The following LRRIQ3 variants were observed in gnomAD, a reference collection of about 807,000 sequenced individuals.
LRRIQ3 encodes leucine-rich repeat and IQ domain-containing protein 3.
A neutral mutation model predicts 59.3 loss-of-function variants in LRRIQ3; 75 were observed. That is an observed-to-expected ratio of 1.26 (90% confidence interval 1.05 to 1.53). LRRIQ3 has a LOEUF of 1.53. Ranked by LOEUF, LRRIQ3 falls within the 40% of genes most tolerant of loss-of-function variation. The probability of loss-of-function intolerance (pLI) is 0.00; values close to 1 mark genes in which losing one functional copy is unlikely to be tolerated. For synonymous variants in LRRIQ3, 250 were observed against 231.3 expected, an observed-to-expected ratio of 1.08 and a Z score of -0.73; for missense variants, 831 against 710.0, an observed-to-expected ratio of 1.17 and a Z score of -1.94.
chr1:74,061,827 G>C (rs1337702528), intron 6 of LRRIQ3, among the ~76,000 whole-genome samples: 1 of 152,092 alleles, frequency 6.6e-6, no homozygotes, highest in Non-Finnish European at 1.5e-5. Flanking sequence ...TTGAGCTCAG[G>C]AACTGGAGAC....
intron 6 of LRRIQ3, among the ~76,000 whole-genome samples, chr1:74,057,325 C>T (rs1026614571): frequency 2.0e-5 from 3 of 151,758 alleles, no homozygotes; most frequent in Admixed American, 1.3e-4. Flanking sequence ...GTAGTGGAAG[C>T]ATAGTACCTG....
intron 5 of LRRIQ3, among the ~76,000 whole-genome samples, chr1:74,087,934 T>C (rs1245516109): frequency 6.6e-6 from 1 of 151,656 alleles, no homozygotes; most frequent in East Asian, 1.9e-4. Context: ...CTGTCTCTAC[T>C]AAAAATACAA....
At chr1:74,172,318 A>T (rs562345757) in intron 3 of LRRIQ3, among the ~76,000 whole-genome samples, 1 of 152,064 alleles carries the variant, frequency 6.6e-6, no homozygotes, top group African/African-American at 2.4e-5. Context: ...TTTCACTTGT[A>T]TCAGTGTTTT....
intron 4 of LRRIQ3, among the ~76,000 whole-genome samples, chr1:74,142,567 T>A (rs1647305686): frequency 6.6e-6 from 1 of 152,024 alleles, no homozygotes; most frequent in Non-Finnish European, 1.5e-5. Flanking sequence ...GATATAAGGC[T>A]GACTGTTAAA....
At chr1:74,059,532 A>G (rs1450515823) in intron 6 of LRRIQ3, among the ~76,000 whole-genome samples, 1 of 152,054 alleles carries the variant, frequency 6.6e-6, no homozygotes, top group Non-Finnish European at 1.5e-5. Context: ...CACACTTGTC[A>G]AAAAGTTGTA....
chr1:74,184,882 A>G (rs1650255579), intron 1 of LRRIQ3, among the ~76,000 whole-genome samples: 1 of 152,188 alleles, frequency 6.6e-6, no homozygotes. Context: ...ATGTAGGATA[A>G]TATACACATC....
At chr1:74,113,949 CTCTCTT>C (rs1215388918) in intron 4 of LRRIQ3, among the ~76,000 whole-genome samples, 6 of 151,622 alleles carry the variant, frequency 4.0e-5, no homozygotes, top group Admixed American at 1.3e-4. Context: ...TAAATCCCCT[CTCTCTT>C]TCTCTATCTC....
intron 4 of LRRIQ3, among the ~76,000 whole-genome samples, chr1:74,145,708 A>AT (rs1159616696): frequency 2.6e-5 from 4 of 151,924 alleles, no homozygotes; most frequent in Non-Finnish European, 2.9e-5. Context: ...TGAATTACTA[A>AT]TTTTTTTCTT....
At chr1:74,120,041 G>T (rs541907692) in intron 4 of LRRIQ3, among the ~76,000 whole-genome samples, 1 of 151,580 alleles carries the variant, frequency 6.6e-6, no homozygotes, top group East Asian at 1.9e-4. Context: ...CAGAAATATG[G>T]TATTTATTTA....
intron 3 of LRRIQ3, among the ~76,000 whole-genome samples, chr1:74,157,768 A>G (rs1014356568): frequency 6.6e-6 from 1 of 152,046 alleles, no homozygotes. Context: ...ACATTGAAAG[A>G]ATTTTCTCCA....
At chr1:74,095,851 T>C (rs1292882792) in intron 5 of LRRIQ3, among the ~76,000 whole-genome samples, 1 of 152,062 alleles carries the variant, frequency 6.6e-6, no homozygotes, top group Non-Finnish European at 1.5e-5. Context: ...AAAAATTATA[T>C]CTGATGGAGA....
At chr1:74,051,748 C>A (rs1283150844) in intron 6 of LRRIQ3, among the ~76,000 whole-genome samples, 2 of 152,156 alleles carry the variant, frequency 1.3e-5, no homozygotes, top group Non-Finnish European at 2.9e-5. Flanking sequence ...TGCAATCACA[C>A]AATATGTGAT....
At chr1:74,052,947 T>C (rs1451748098) in intron 6 of LRRIQ3, among the ~76,000 whole-genome samples, 1 of 152,134 alleles carries the variant, frequency 6.6e-6, no homozygotes, top group East Asian at 1.9e-4. Flanking sequence ...TGAGATACAA[T>C]TCATATGCCA....
At chr1:74,062,541 G>T (rs2100447480) in intron 6 of LRRIQ3, among the ~76,000 whole-genome samples, 1 of 152,044 alleles carries the variant, frequency 6.6e-6, no homozygotes, top group South Asian at 2.1e-4. Flanking sequence ...CAAAGGAATA[G>T]AAATCACAGC....
At chr1:74,030,964 C>T (rs1432641467) in intron 7 of LRRIQ3, among the ~76,000 whole-genome samples, 1 of 152,148 alleles carries the variant, frequency 6.6e-6, no homozygotes, top group Non-Finnish European at 1.5e-5. Flanking sequence ...TATAAACAGA[C>T]ACTTCTCAAA....
At chr1:74,194,885 T>C (rs1390494329) in intron 1 of LRRIQ3, among the ~76,000 whole-genome samples, 1 of 152,192 alleles carries the variant, frequency 6.6e-6, no homozygotes, top group Non-Finnish European at 1.5e-5. Context: ...TTCTTGACTC[T>C]ACTAATTTAT....
At chr1:74,100,284 T>C (rs1646511232) in intron 5 of LRRIQ3, among the ~76,000 whole-genome samples, 1 of 151,976 alleles carries the variant, frequency 6.6e-6, no homozygotes, top group African/African-American at 2.4e-5. Context: ...GAAAGCCAAA[T>C]CATGAGTGAA....
chr1:74,049,624 GA>G (rs1487689902), intron 6 of LRRIQ3, among the ~76,000 whole-genome samples: 2 of 152,158 alleles, frequency 1.3e-5, no homozygotes, highest in African/African-American at 4.8e-5. Flanking sequence ...GCTGACATGG[GA>G]AAAACTGCAG....
At chr1:74,180,531 G>A (rs976943881) in intron 3 of LRRIQ3, 164 of 513,084 alleles carry the variant, frequency 3.2e-4, no homozygotes, top group Admixed American at 1.1e-3. Flanking sequence ...TTTAAGTGCT[G>A]CCATTTCTGT....
Sources: gnomAD v4.1 joint callset for allele counts (sites outside exome capture counted in the v4.1 genomes callset) on GRCh38, gnomAD v4.1.1 for gene constraint, MANE v1.5 for transcripts, NCBI Gene and HGNC (gene_info 2026-07-23, HGNC 2026-07-21) for gene names.